CREB5: variants seen among roughly 807,000 people sequenced by gnomAD.
CREB5 encodes cAMP responsive element binding protein 5, also known as cyclic AMP-responsive element-binding protein 5.
Under a neutral mutation model 57.1 loss-of-function variants are expected in CREB5, and 19 were observed. That is an observed-to-expected ratio of 0.33 (90% confidence interval 0.23 to 0.49). The LOEUF (loss-of-function observed/expected upper bound fraction) is 0.49. CREB5 is among the 20% of genes least tolerant of loss of function. The probability of loss-of-function intolerance (pLI) is 0.99; values close to 1 mark genes in which losing one functional copy is unlikely to be tolerated. For synonymous variants in CREB5, 238 were observed against 238.3 expected (o/e 1.00, Z 0.01); for missense variants, 579 against 671.6 (o/e 0.86, Z 1.52).
chr7:28,677,169 T>TTA (rs1165816871), intron 5 of CREB5, among the ~76,000 whole-genome samples: 2 of 152,210 alleles, frequency 1.3e-5, no homozygotes, highest in Non-Finnish European at 2.9e-5. Flanking sequence ...ATGAATGTAT[T>TTA]TATATATTTT....
chr7:28,654,989 C>T (rs141651532), intron 5 of CREB5, among the ~76,000 whole-genome samples: 80 of 152,242 alleles, frequency 5.3e-4, no homozygotes, highest in Non-Finnish European at 7.2e-4. Context: ...TGGCTCACTG[C>T]AGCCTCGACC....
At chr7:28,618,585 G>A (rs371944687) in intron 5 of CREB5, among the ~76,000 whole-genome samples, 2 of 152,084 alleles carry the variant, frequency 1.3e-5, no homozygotes, top group Non-Finnish European at 2.9e-5. Flanking sequence ...GTAATCCTGC[G>A]GGACCAGTAG....
At chr7:28,551,943 C>A (rs966169623) in intron 4 of CREB5, among the ~76,000 whole-genome samples, 1 of 121,260 alleles carries the variant, frequency 8.2e-6, no homozygotes, top group Non-Finnish European at 1.7e-5. Context: ...TTTTTTCTCT[C>A]TTTTTTATTC....
At chr7:28,704,045 CA>C (rs977895038) in intron 5 of CREB5, among the ~76,000 whole-genome samples, 22 of 152,310 alleles carry the variant, frequency 1.4e-4, no homozygotes, top group Non-Finnish European at 3.1e-4. Context: ...GGAGGATTTT[CA>C]TCATTCTCAA....
At position 28,511,420 on chromosome 7, in the gene CREB5, A is replaced by G. The variant is rs117217283; in HGVS notation, c.291+3683A>G. ...GCTAGAGATCCGGGTCTGGGAGGGC[A>G]GATCCTGGGAGGCCTTGTAAAGGGG... On this transcript the variant is annotated intron_variant, in intron 4 of 10. Transcript: ENST00000357727. Among the ~76,000 whole-genome samples, 16 of 152,348 alleles carry G rather than the reference A, an allele frequency of 1.1e-4. No homozygotes were observed. In the East Asian group the frequency reaches 2.5e-3, roughly 24 times the overall value.
intron 7 of CREB5, among the ~76,000 whole-genome samples, chr7:28,737,958 C>T (rs1203604578): frequency 6.6e-6 from 1 of 151,950 alleles, no homozygotes; most frequent in Non-Finnish European, 1.5e-5. Context: ...GAGCTCAGTG[C>T]AGTATATTTT....
At chr7:28,800,548 C>T (rs1054313193) in intron 7 of CREB5, among the ~76,000 whole-genome samples, 7 of 152,176 alleles carry the variant, frequency 4.6e-5, no homozygotes, top group Non-Finnish European at 8.8e-5. Context: ...GATACATGGC[C>T]CTTATCATGT....
In CREB5 at chr7:28,507,720, G is replaced by A. The variant is rs1792540794; in HGVS notation, c.274G>A (p.Glu92Lys). 6.2e-7 allele frequency: 1 copy of A among 1,606,470 alleles called. No individual in the cohort carries two copies. The highest frequency in any genetic ancestry group is 1.3e-5 in the African/African-American group (1 of 74,838). The change falls in exon 4 of 11, where the codon GAG (glutamate) becomes AAG (lysine). Residue 92 changes from glutamate to lysine, a missense_variant. Glu to Lys is a moderately conservative substitution (Grantham distance 56). Around this residue, in one of 3 missense-constraint regions of CREB5, gnomAD observed 459 missense variants for 515.7 expected, o/e 0.89. Transcript: ENST00000357727. ...GCACGAGTTCAGGAAGGCTCAGGAA[G>A]AGGAGAGCAGCAAGCGGGTAGGTTT... Reference protein sequence around the residue: ...LEHEFRKAQEEESSKRNISMH... With the variant: ...LEHEFRKAQEKESSKRNISMH...
chr7:28,746,304 C>T (rs887732101), intron 7 of CREB5, among the ~76,000 whole-genome samples: 1 of 152,172 alleles, frequency 6.6e-6, no homozygotes, highest in Non-Finnish European at 1.5e-5. Context: ...TGTAAAGCAA[C>T]AAGAAAAGTT....
At chr7:28,479,177 G>A (rs150676324) in intron 1 of CREB5, among the ~76,000 whole-genome samples, 9 of 152,222 alleles carry the variant, frequency 5.9e-5, no homozygotes, top group African/African-American at 1.9e-4. Flanking sequence ...TGGCATGGGC[G>A]AGGCAGTTGT....
At chr7:28,643,506 C>G (rs1379605580) in intron 5 of CREB5, among the ~76,000 whole-genome samples, 1 of 152,110 alleles carries the variant, frequency 6.6e-6, no homozygotes, top group Non-Finnish European at 1.5e-5. Flanking sequence ...CAGATAGATA[C>G]ACATCCTTTC....
intron 4 of CREB5, among the ~76,000 whole-genome samples, chr7:28,518,012 A>T (rs1793049457): frequency 6.6e-6 from 1 of 152,108 alleles, no homozygotes; most frequent in South Asian, 2.1e-4. Context: ...TTGAAGCTAG[A>T]AGAAGGCTGT....
At chr7:28,694,203 A>G (rs1801419673) in intron 5 of CREB5, among the ~76,000 whole-genome samples, 1 of 152,198 alleles carries the variant, frequency 6.6e-6, no homozygotes, top group Non-Finnish European at 1.5e-5. Flanking sequence ...TAAAGGACTG[A>G]TCCCATTTAA....
intron 7 of CREB5, among the ~76,000 whole-genome samples, chr7:28,734,818 A>C (rs1374794588): frequency 2.0e-5 from 3 of 152,168 alleles, no homozygotes; most frequent in Non-Finnish European, 4.4e-5. Context: ...AGATTTTGCC[A>C]ATTTTTGTTT....
intron 4 of CREB5, among the ~76,000 whole-genome samples, chr7:28,510,134 G>A (rs1161736790): frequency 2.0e-5 from 3 of 152,096 alleles, no homozygotes; most frequent in East Asian, 1.9e-4. Context: ...ATGCTCCCCC[G>A]CCTGACAATA....
intron 1 of CREB5, among the ~76,000 whole-genome samples, chr7:28,343,716 T>C (rs1785980449): frequency 1.3e-5 from 2 of 152,250 alleles, no homozygotes; most frequent in Non-Finnish European, 1.5e-5. Context: ...TTCATTTCTT[T>C]TGGATGTATA....
At chr7:28,360,210 A>G (rs915872787) in intron 1 of CREB5, among the ~76,000 whole-genome samples, 2 of 152,200 alleles carry the variant, frequency 1.3e-5, no homozygotes, top group African/African-American at 4.8e-5. Flanking sequence ...TCCACAATCT[A>G]CTTCTGGTTA....
At chr7:28,391,690 C>T (rs529384818) in intron 1 of CREB5, among the ~76,000 whole-genome samples, 1 of 152,332 alleles carries the variant, frequency 6.6e-6, no homozygotes, top group South Asian at 2.1e-4. Flanking sequence ...TTCCCATGTC[C>T]TCTGGGAAGG....
chr7:28,488,438 G>C (rs1421246629), intron 2 of CREB5, among the ~76,000 whole-genome samples, 192 bp downstream of exon 2: 1 of 152,136 alleles, frequency 6.6e-6, no homozygotes, highest in African/African-American at 2.4e-5. Context: ...TGAATGGTTT[G>C]AAATACTTCC....
Sources: gnomAD v4.1 joint callset for allele counts (sites outside exome capture counted in the v4.1 genomes callset) on GRCh38, gnomAD v4.1.1 for gene constraint, gnomAD v4.1.1 regional missense constraint, MANE v1.5 for transcripts, NCBI Gene and HGNC (gene_info 2026-07-23, HGNC 2026-07-21) for gene names.